Variants in CFAP54 observed in about 807,000 individuals in gnomAD.
CFAP54 encodes the protein cilia and flagella associated protein 54.
In CFAP54, 290 loss-of-function variants were observed where a neutral mutation model predicts 370.4. That is an observed-to-expected ratio of 0.78 (90% CI 0.71 to 0.86). The LOEUF (loss-of-function observed/expected upper bound fraction) is 0.86, where lower values mean the gene tolerates loss of function less well. Ranked by LOEUF, CFAP54 falls within the 40% of genes least tolerant of loss-of-function variation. The pLI, the probability that CFAP54 is intolerant of heterozygous loss-of-function variation, is 0.00. For missense variants in CFAP54, 3,399 were observed against 3,528.7 expected (o/e 0.96, Z 0.93); for synonymous variants, 1,206 against 1,236.5 (o/e 0.98, Z 0.52).
chr12:96,850,370 G>A (rs944879357), intron 66 of CFAP54, among the ~76,000 whole-genome samples: 17 of 151,930 alleles, frequency 1.1e-4, no homozygotes, highest in East Asian at 3.9e-4. Flanking sequence ...AGCCAAGGGC[G>A]GAGCAGGAGT....
chr12:96,743,485 G>A lies in CFAP54; in HGVS notation c.7303G>A (p.Glu2435Lys), dbSNP rs527868502. 4 of 1,614,094 alleles carry A rather than the reference G, an allele frequency of 2.5e-6. No individual in the cohort carries two copies. Among genetic ancestry groups the A allele is most frequent in the African/African-American group, 2.7e-5 (2 of 75,034 alleles). ...KSAGDTELQA[E>K]FLTQAVILGL... ...CGCAGGGGACACGGAACTGCAGGCTGAATTCTTGACGCAAGCTGTAATTCT... is the reference window on the plus strand; with the variant it reads ...CGCAGGGGACACGGAACTGCAGGCTAAATTCTTGACGCAAGCTGTAATTCT... Residue 2435 changes from glutamate to lysine, a missense_variant, in exon 53 of 68, where the codon GAA becomes AAA. Transcript: ENST00000524981.
intron 49 of CFAP54, among the ~76,000 whole-genome samples, chr12:96,718,929 T>C (rs986284123): frequency 6.6e-6 from 1 of 152,150 alleles, no homozygotes; most frequent in East Asian, 1.9e-4. Context: ...TTCTAGCTAC[T>C]CAGGAGGCTG....
intron 17 of CFAP54, among the ~76,000 whole-genome samples, chr12:96,556,742 A>G (rs1175850162): frequency 2.6e-5 from 4 of 152,192 alleles, no homozygotes; most frequent in Non-Finnish European, 4.4e-5. Context: ...ACAAGATCAT[A>G]TCCTTTGCAG....
chr12:96,591,890 CAA>C (rs754624061), intron 23 of CFAP54, among the ~76,000 whole-genome samples: 8 of 92,692 alleles, frequency 8.6e-5, no homozygotes, highest in Admixed American at 1.2e-4. Flanking sequence ...AACTCCGTCT[CAA>C]AAAAAAAAAA....
intron 26 of CFAP54, among the ~76,000 whole-genome samples, chr12:96,617,815 C>G (rs1015990134): frequency 1.3e-5 from 2 of 151,964 alleles, no homozygotes; most frequent in African/African-American, 2.4e-5. Flanking sequence ...ACGGTGAAAC[C>G]CTGTCTTTAC....
chr12:96,641,001 A>C (rs1304783739), intron 32 of CFAP54, among the ~76,000 whole-genome samples: 1 of 152,164 alleles, frequency 6.6e-6, no homozygotes. Flanking sequence ...AATACCATTC[A>C]GGACATAGGC....
chr12:96,685,332 C>A, intron 42 of CFAP54, 94 bp downstream of exon 42: 1 of 1,040,038 alleles, frequency 9.6e-7, no homozygotes, highest in Non-Finnish European at 1.5e-6. Flanking sequence ...CTCATGCACA[C>A]TGGATTTCTG....
At chr12:96,508,532 C>T (rs1198747633) in intron 4 of CFAP54, among the ~76,000 whole-genome samples, 3 of 151,732 alleles carry the variant, frequency 2.0e-5, no homozygotes, top group Non-Finnish European at 4.4e-5. Flanking sequence ...GCAATCCGCC[C>T]GCCTCCACCT....
At position 96,663,849 on chromosome 12, in the gene CFAP54, T is replaced by C. The variant is rs368483955; in HGVS notation, c.5480T>C (p.Ile1827Thr). ...YGEKITCRNF[I>T]GKQLKINSST... The stretch of plus-strand genomic sequence containing the variant: ...TTAAAGATAACTTGCCGAAATTTCA[T>C]TGGGAAGCAGCTTAAGATTAATTCT... The change falls in exon 39 of 68, where the codon ATT becomes ACT. Residue 1827 changes from isoleucine to threonine, a missense_variant. Physicochemically the swap from Ile to Thr is moderately conservative, Grantham distance 89. This residue lies in a region of CFAP54 where 2,796 missense variants were observed against 2,869.7 expected (regional missense o/e 0.97). Transcript: ENST00000524981. 3.9e-4 allele frequency: 625 copies of C among 1,612,550 alleles called. No homozygotes were observed. The highest frequency in any genetic ancestry group is 5.0e-4 in the Non-Finnish European group (593 of 1,179,338).
intron 50 of CFAP54, among the ~76,000 whole-genome samples, chr12:96,728,911 T>C (rs1036934911): frequency 6.6e-6 from 1 of 152,242 alleles, no homozygotes; most frequent in African/African-American, 2.4e-5. Flanking sequence ...GACCCTCAGC[T>C]GCAGGTCTGT....
At chr12:96,706,304 A>G (rs1434643510) in intron 47 of CFAP54, among the ~76,000 whole-genome samples, 1 of 152,210 alleles carries the variant, frequency 6.6e-6, no homozygotes, top group Admixed American at 6.5e-5. Context: ...GCATGGGGCT[A>G]GGTTGGAGAT....
intron 32 of CFAP54, among the ~76,000 whole-genome samples, chr12:96,634,244 C>T (rs1018820563): frequency 2.6e-5 from 4 of 151,252 alleles, no homozygotes; most frequent in African/African-American, 7.3e-5. Flanking sequence ...TTAGTAGAGA[C>T]GGGGTTTCAC....
intron 1 of CFAP54, among the ~76,000 whole-genome samples, chr12:96,500,101 A>G (rs1202034336): frequency 6.6e-6 from 1 of 152,210 alleles, no homozygotes; most frequent in Non-Finnish European, 1.5e-5. Flanking sequence ...GCATCCAGAC[A>G]ATGGGATATT....
At chr12:96,618,520 C>T (rs1318037060) in intron 26 of CFAP54, among the ~76,000 whole-genome samples, 3 of 152,106 alleles carry the variant, frequency 2.0e-5, no homozygotes, top group African/African-American at 4.8e-5. Flanking sequence ...AGAAGCACTT[C>T]CCTTAACATT....
intron 36 of CFAP54, among the ~76,000 whole-genome samples, chr12:96,653,512 A>G (rs1956884848): frequency 2.6e-5 from 4 of 152,226 alleles, no homozygotes; most frequent in African/African-American, 9.6e-5. Context: ...AAATAATACA[A>G]TTCCAAATAC....
intron 65 of CFAP54, among the ~76,000 whole-genome samples, chr12:96,824,474 T>C (rs1207381810): frequency 6.6e-6 from 1 of 152,132 alleles, no homozygotes; most frequent in Non-Finnish European, 1.5e-5. Context: ...CAATAACCCA[T>C]CATGCTGTTG....
At chr12:96,726,703 C>T (rs1957844265) in intron 50 of CFAP54, among the ~76,000 whole-genome samples, 1 of 152,056 alleles carries the variant, frequency 6.6e-6, no homozygotes, top group South Asian at 2.1e-4. Context: ...TTAGTTATTT[C>T]TTGCCTTCTG....
At chr12:96,829,434 C>T (rs1411904975) in intron 66 of CFAP54, among the ~76,000 whole-genome samples, 1 of 152,044 alleles carries the variant, frequency 6.6e-6, no homozygotes, top group Non-Finnish European at 1.5e-5. Context: ...TCATACTTTA[C>T]ATGCATTCTG....
intron 63 of CFAP54, among the ~76,000 whole-genome samples, chr12:96,807,832 A>G (rs1275600122): frequency 6.6e-6 from 1 of 152,182 alleles, no homozygotes; most frequent in Non-Finnish European, 1.5e-5. Flanking sequence ...ATGAGCTAAA[A>G]TAATGCCTTA....
Sources: gnomAD v4.1 joint callset for allele counts (sites outside exome capture counted in the v4.1 genomes callset) on GRCh38, gnomAD v4.1.1 for gene constraint, gnomAD v4.1.1 regional missense constraint, MANE v1.5 for transcripts, NCBI Gene and HGNC (gene_info 2026-07-23, HGNC 2026-07-21) for gene names.